The following MARK3 variants were observed in gnomAD, a reference collection of about 807,000 sequenced individuals.
MARK3 encodes MAP/microtubule affinity-regulating kinase 3.
Under a neutral mutation model 90.1 loss-of-function variants are expected in MARK3, and 46 were observed. The ratio of observed to expected loss-of-function variants is 0.51; its 90% confidence interval spans 0.40 to 0.65. MARK3 has a LOEUF of 0.65. MARK3 is among the 30% of genes least tolerant of loss of function. MARK3 has a pLI of 0.00. For synonymous variants in MARK3, 321 were observed against 332.6 expected, an observed-to-expected ratio of 0.97 and a Z score of 0.38; for missense variants, 818 against 947.2, an observed-to-expected ratio of 0.86 and a Z score of 1.79.
intron 14 of MARK3, 78 bp from the exon 15 acceptor site, chr14:103,491,699 C>T (rs1032358200): frequency 1.2e-5 from 17 of 1,467,872 alleles, no homozygotes; most frequent in East Asian, 1.1e-4. Flanking sequence ...ATTTTCTCCA[C>T]TGTGTATAAA....
At chr14:103,496,217 A>T (rs1263879267) in intron 15 of MARK3, among the ~76,000 whole-genome samples, 2 of 152,130 alleles carry the variant, frequency 1.3e-5, no homozygotes, top group African/African-American at 4.8e-5. Context: ...ACCTCAAGGG[A>T]TTATAGGAGG....
At chr14:103,432,643 G>T (rs1404023001) in intron 3 of MARK3, among the ~76,000 whole-genome samples, 2 of 152,040 alleles carry the variant, frequency 1.3e-5, no homozygotes, top group African/African-American at 4.8e-5. Context: ...TCGAGCTCAG[G>T]AATTCGAGAT....
At chr14:103,394,501 C>G (rs1426664462) in intron 1 of MARK3, among the ~76,000 whole-genome samples, 3 of 152,172 alleles carry the variant, frequency 2.0e-5, no homozygotes, top group Non-Finnish European at 4.4e-5. Flanking sequence ...ACTCTAGCCA[C>G]TCAAGCTGCT....
chr14:103,400,813 T>C (rs1013265516), intron 1 of MARK3, among the ~76,000 whole-genome samples: 1 of 150,046 alleles, frequency 6.7e-6, no homozygotes, highest in South Asian at 2.1e-4. Context: ...GATGATCCCT[T>C]GAGTCCAGGA....
At chr14:103,476,100 A>G (rs2093709938) in intron 13 of MARK3, among the ~76,000 whole-genome samples, 1 of 152,184 alleles carries the variant, frequency 6.6e-6, no homozygotes, top group Non-Finnish European at 1.5e-5. Context: ...CACACCCACC[A>G]TAGACACTAG....
chr14:103,400,661 A>G (rs976458797), intron 1 of MARK3, among the ~76,000 whole-genome samples: 8 of 152,114 alleles, frequency 5.3e-5, no homozygotes, highest in African/African-American at 1.7e-4. Flanking sequence ...CTTTGGGAGA[A>G]TAAGACAGGA....
chr14:103,466,166 A>G (rs1290871523), intron 9 of MARK3, 75 bp downstream of exon 9: 8 of 1,542,680 alleles, frequency 5.2e-6, no homozygotes, highest in Non-Finnish European at 7.1e-6. Flanking sequence ...CTTGATTTGT[A>G]TGCCATACTG....
At chr14:103,401,980 G>A (rs976417271) in intron 1 of MARK3, among the ~76,000 whole-genome samples, 1 of 152,162 alleles carries the variant, frequency 6.6e-6, no homozygotes, top group African/African-American at 2.4e-5. Flanking sequence ...CTGAGTCAGA[G>A]CTAGACTCAA....
At chr14:103,465,875 A>C in intron 8 of MARK3, 82 bp downstream of exon 8, 1 of 1,534,258 alleles carries the variant, frequency 6.5e-7, no homozygotes, top group Non-Finnish European at 8.9e-7. Flanking sequence ...TTAACATTAT[A>C]TCAGTGCGGG....
At chr14:103,412,367 G>A (rs1418884505) in intron 2 of MARK3, 1 of 629,788 alleles carries the variant, frequency 1.6e-6, no homozygotes, top group Non-Finnish European at 2.8e-6. Context: ...GAGCAGGGAA[G>A]GGAACTTTAC....
intron 14 of MARK3, chr14:103,490,873 C>T (rs770295868): frequency 1.1e-4 from 90 of 846,992 alleles, no homozygotes; most frequent in Non-Finnish European, 8.1e-5. Context: ...AAGGTGTGTG[C>T]ATTACACACA....
At chr14:103,464,104 C>T (rs1310833388) in intron 7 of MARK3, among the ~76,000 whole-genome samples, 5 of 152,160 alleles carry the variant, frequency 3.3e-5, no homozygotes, top group Non-Finnish European at 5.9e-5. Flanking sequence ...CCCTGTGCCT[C>T]TTCAGTTATG....
chr14:103,440,018 C>G (rs1030666265), intron 3 of MARK3, among the ~76,000 whole-genome samples: 2 of 152,198 alleles, frequency 1.3e-5, no homozygotes, highest in Non-Finnish European at 2.9e-5. Flanking sequence ...CTCCTGACTT[C>G]AAGTGATCCA....
intron 6 of MARK3, among the ~76,000 whole-genome samples, chr14:103,459,813 C>T (rs944428877): frequency 6.6e-6 from 1 of 151,678 alleles, no homozygotes; most frequent in Non-Finnish European, 1.5e-5. Flanking sequence ...CGTAATGTGG[C>T]CTCAATTTCT....
chr14:103,502,504 G>C (rs73359248), intron 17 of MARK3, among the ~76,000 whole-genome samples: 4,273 of 152,322 alleles, frequency 0.028, 220 homozygotes, highest in African/African-American at 0.097. Context: ...GTGGATGGGT[G>C]GGGTGGGCAG....
intron 5 of MARK3, among the ~76,000 whole-genome samples, chr14:103,452,707 G>A (rs1249184163): frequency 6.6e-6 from 1 of 151,690 alleles, no homozygotes; most frequent in East Asian, 1.9e-4. Flanking sequence ...TCCTGACCTC[G>A]TGATCCGCCC....
At chr14:103,485,063 C>CAAAAAAAAAAAAAAAAAAAAAAAAA (rs34312214) in intron 14 of MARK3, among the ~76,000 whole-genome samples, 1 of 97,750 alleles carries the variant, frequency 1.0e-5, no homozygotes, top group Non-Finnish European at 2.0e-5. Flanking sequence ...ACTAAAAATA[C>CAAAAAAAAAAAAAAAAAAAAAAAAA]AAAAAAAAAA....
chr14:103,488,249 T>TA (rs928462172), intron 14 of MARK3, among the ~76,000 whole-genome samples: 8 of 152,238 alleles, frequency 5.3e-5, no homozygotes, highest in South Asian at 2.1e-4. Flanking sequence ...GGGCTAGAGT[T>TA]ACGGTCCATC....
intron 7 of MARK3, among the ~76,000 whole-genome samples, chr14:103,463,881 A>G (rs1355797968): frequency 2.0e-5 from 3 of 151,984 alleles, no homozygotes; most frequent in Non-Finnish European, 4.4e-5. Context: ...AGCCCTGACC[A>G]TCTCCCCAGC....
Sources: allele counts gnomAD v4.1 joint callset (sites outside exome capture counted in the v4.1 genomes callset), GRCh38; gene constraint gnomAD v4.1.1; transcripts MANE v1.5; gene names NCBI Gene and HGNC (gene_info 2026-07-23, HGNC 2026-07-21).